The following NRAS variants were observed in gnomAD, a reference collection of about 807,000 sequenced individuals.
NRAS encodes NRAS proto-oncogene, GTPase.
In NRAS, 6 loss-of-function variants were observed where a neutral mutation model predicts 21.3. That is an observed-to-expected ratio of 0.28 (90% CI 0.15 to 0.56). The LOEUF is 0.56. Ranked by LOEUF, NRAS falls within the 20% of genes least tolerant of loss-of-function variation. The pLI, the probability that NRAS is intolerant of heterozygous loss-of-function variation, is 0.93. For synonymous variants in NRAS, 84 were observed against 82.0 expected (o/e 1.02, Z -0.13); for missense variants, 143 against 231.3 (o/e 0.62, Z 2.48).
At chr1:114,715,320 C>T (rs968510131) in intron 2 of NRAS, among the ~76,000 whole-genome samples, 3 of 152,090 alleles carry the variant, frequency 2.0e-5, no homozygotes, top group Non-Finnish European at 4.4e-5. Context: ...CCACCGTGTC[C>T]GGCAAAACCC....
At chr1:114,714,926 A>T (rs532892454) in intron 2 of NRAS, among the ~76,000 whole-genome samples, 3 of 152,382 alleles carry the variant, frequency 2.0e-5, no homozygotes, top group Admixed American at 6.5e-5. Context: ...CATCAATTAA[A>T]CACGAGTAGC....
chr1:114,709,003 T>C (rs61758220), intron 4 of NRAS, among the ~76,000 whole-genome samples: 2,197 of 152,366 alleles, frequency 0.014, 40 homozygotes, highest in African/African-American at 0.05. Context: ...AAATAACTAA[T>C]GTTTATAAAT....
rs1180282601 is a variant in NRAS, at chr1:114,705,406, T to A, written c.*2688A>T. The A allele has an allele frequency of 3.3e-5, 5 of 152,196 alleles. No homozygotes were observed. Among genetic ancestry groups the A allele is most frequent in the Non-Finnish European group, 7.3e-5 (5 of 68,034 alleles). The allele number at this position is 152,196 out of a possible 1,614,324, so 9.4% of individuals were successfully genotyped here. On this transcript the variant is annotated 3_prime_UTR_variant, in exon 7 of 7. Transcript: ENST00000369535. The stretch of plus-strand genomic sequence containing the variant: ...TTCAGACAGAACATCTTATTTTCAC[T>A]CTTGAACATGTAACCTTTAAAAAAA...
In NRAS at chr1:114,713,997, AG is replaced by A; in HGVS notation, c.112-20del. ...AAGAATCCTGGGGGTGTGGAGGGTA[AG>A]GGGGCAGGGAGGGAGGGAAGTTCAA... On this transcript the variant is annotated intron_variant, in intron 2 of 6. Coordinates refer to ENST00000369535, the MANE Select transcript of NRAS (RefSeq NM_002524.5). The A allele has an allele frequency of 3.8e-6, 3 of 796,780 alleles. No homozygotes were observed. The highest frequency in any genetic ancestry group is 6.1e-6 in the Non-Finnish European group (3 of 489,090). The allele number at this position is 796,780 out of a possible 1,614,324, so 49.4% of individuals were successfully genotyped here.
At position 114,706,880 on chromosome 1, in the gene NRAS, G is replaced by A. The variant is rs2101736822; in HGVS notation, c.*1214C>T. On this transcript the variant is annotated 3_prime_UTR_variant, in exon 7 of 7. Transcript: ENST00000369535. Reference sequence around the variant, plus strand: ...AATAATCAAGCCCCTATTGCTGTGGGGGAAGCTGTAGAGGGTGGGGTGAGA... The same window carrying A: ...AATAATCAAGCCCCTATTGCTGTGGAGGAAGCTGTAGAGGGTGGGGTGAGA... 1 of 152,452 alleles carries A rather than the reference G, an allele frequency of 6.6e-6. No homozygotes were observed. The highest frequency in any genetic ancestry group is 2.4e-5 in the African/African-American group (1 of 41,556). The allele number at this position is 152,452 out of a possible 1,614,324, so 9.4% of individuals were successfully genotyped here.
In NRAS at chr1:114,706,763, CAGA is replaced by C. The variant is rs1329111895; in HGVS notation, c.*1328_*1330del. 1.3e-5 allele frequency: 2 copies of C among 152,174 alleles called. No individual in the cohort carries two copies. Among genetic ancestry groups the C allele is most frequent in the East Asian group, 1.9e-4 (1 of 5,190 alleles). The allele number at this position is 152,174 out of a possible 1,614,324, so 9.4% of individuals were successfully genotyped here. A position where few individuals can be genotyped will look rare whatever the true frequency, so the allele number is the denominator to read the frequency against. ...GAGTTACTGGTGCAATGAGCAAATG[CAGA>C]AGAATTTCTTTCTCTGTGATGCTAA... On this transcript the variant is annotated 3_prime_UTR_variant, in exon 7 of 7. Transcript: ENST00000369535.
In NRAS at chr1:114,709,720, A is replaced by G. The variant is rs1428145562; in HGVS notation, c.299T>C (p.Ile100Thr). 5.0e-6 allele frequency: 8 copies of G among 1,612,814 alleles called. No homozygotes were observed. Among genetic ancestry groups the G allele is most frequent in the Non-Finnish European group, 5.1e-6 (6 of 1,178,950 alleles). ...ATCATCCGAGTCTTTTACTCGCTTAATCTGCTCCCTAAAAACGGGAATATA... is the reference window on the plus strand; with the variant it reads ...ATCATCCGAGTCTTTTACTCGCTTAGTCTGCTCCCTAAAAACGGGAATATA... ...FADINLYREQ[I>T]KRVKDSDDVP... Residue 100 changes from isoleucine (I) to threonine (T), a missense_variant, in exon 4 of 7, where the codon ATT becomes ACT. Ile to Thr is a moderately conservative substitution (Grantham distance 89). Transcript: ENST00000369535.
intron 3 of NRAS, among the ~76,000 whole-genome samples, chr1:114,713,171 T>A (rs569058065): frequency 1.3e-5 from 2 of 152,280 alleles, no homozygotes; most frequent in East Asian, 3.9e-4. Flanking sequence ...CTTACTCCTA[T>A]CATTTTATTT....
chr1:114,709,112 C>T (rs1557981007), intron 4 of NRAS, among the ~76,000 whole-genome samples: 1 of 152,272 alleles, frequency 6.6e-6, no homozygotes, highest in South Asian at 2.1e-4. Flanking sequence ...TGGGTTTAAA[C>T]AAGCGTTAAG....
chr1:114,712,393 T>C (rs969990405), intron 3 of NRAS, among the ~76,000 whole-genome samples: 3 of 152,236 alleles, frequency 2.0e-5, no homozygotes, highest in Non-Finnish European at 2.9e-5. Flanking sequence ...AATCTTATCT[T>C]GCTCTACTAT....
chr1:114,709,593 A>G lies in NRAS; in HGVS notation c.426T>C (p.Ile142=), dbSNP rs2101738668. 6.2e-7 allele frequency: 1 copy of G among 1,614,194 alleles called. No individual in the cohort carries two copies. The highest frequency in any genetic ancestry group is 8.5e-7 in the Non-Finnish European group (1 of 1,179,992). The change falls in exon 4 of 7, where the codon ATT becomes ATC. Residue 142 remains isoleucine, a synonymous_variant. Coordinates refer to ENST00000369535, the MANE Select transcript of NRAS (RefSeq NM_002524.5). ...ELAKSYGIPF[I]ETSAKTRQGV... is the part of the protein sequence containing the mutation. The stretch of plus-strand genomic sequence containing the variant: ...CCTGTCTGGTCTTGGCTGAGGTTTC[A>G]ATGAATGGAATCCCGTAACTCTTGG...
At chr1:114,708,727 G>C in intron 4 of NRAS, 73 bp from the exon 5 acceptor site, 1 of 1,384,294 alleles carries the variant, frequency 7.2e-7, no homozygotes. Flanking sequence ...AAGCTCTCTT[G>C]CATTTGTATC....
At chr1:114,714,570 T>C (rs1042932892) in intron 2 of NRAS, among the ~76,000 whole-genome samples, 2 of 152,214 alleles carry the variant, frequency 1.3e-5, no homozygotes, top group African/African-American at 2.4e-5. Context: ...CAAACATGCA[T>C]AGATCATATA....
rs1187874933 is a variant in NRAS at position 114,716,761 on chromosome 1, C to A, written c.-121G>T. On this transcript the variant is annotated 5_prime_UTR_variant, in exon 1 of 7. Coordinates refer to ENST00000369535, the MANE Select transcript of NRAS (RefSeq NM_002524.5). ...GAACAGCCCCCACCAAGGAGCGGCA[C>A]TTCCGGCCCCGCCCGCTACGTAATC... 2 of 155,092 alleles carry A rather than the reference C, an allele frequency of 1.3e-5. No individual in the cohort carries two copies. Among genetic ancestry groups the A allele is most frequent in the Non-Finnish European group, 2.9e-5 (2 of 69,394 alleles). The allele number at this position is 155,092 out of a possible 1,614,324, so 9.6% of individuals were successfully genotyped here.
chr1:114,710,419 G>A (rs1241677431), intron 3 of NRAS, among the ~76,000 whole-genome samples: 1 of 148,722 alleles, frequency 6.7e-6, no homozygotes, highest in Non-Finnish European at 1.5e-5. Context: ...GGGAGACTGA[G>A]GTGGGAGGAT....
At chr1:114,714,018 G>C (rs753896542) in intron 2 of NRAS, 40 bp from the exon 3 acceptor site, 6 of 993,164 alleles carry the variant, frequency 6.0e-6, no homozygotes, top group Non-Finnish European at 7.7e-6. Context: ...AGGGAGGGAA[G>C]TTCAATTTTT....
At chr1:114,713,726 G>A (rs2101741573) in intron 3 of NRAS, 74 bp downstream of exon 3, 1 of 1,270,346 alleles carries the variant, frequency 7.9e-7, no homozygotes, top group Non-Finnish European at 1.2e-6. Flanking sequence ...CTTCCCTAGT[G>A]TGGTAACCTC....
intron 3 of NRAS, among the ~76,000 whole-genome samples, chr1:114,710,187 TC>T (rs1232579295): frequency 2.2e-5 from 2 of 92,344 alleles, no homozygotes; most frequent in Admixed American, 1.4e-4. Context: ...TGAGACTCCA[TC>T]CCCCCCAACC....
Position 114,706,290 on chromosome 1 carries a change from A to G in NRAS, c.*1804T>C, listed in dbSNP as rs2101736524. 6.6e-6 allele frequency: 1 copy of G among 152,380 alleles called. No homozygotes were observed. Among genetic ancestry groups the G allele is most frequent in the African/African-American group, 2.4e-5 (1 of 41,596 alleles). The allele number at this position is 152,380 out of a possible 1,614,324, so 9.4% of individuals were successfully genotyped here. On this transcript the variant is annotated 3_prime_UTR_variant, in exon 7 of 7. Coordinates refer to ENST00000369535, the MANE Select transcript of NRAS (RefSeq NM_002524.5). ...CAGTAAGTATTTAGATATTAAAGAC[A>G]GGAACAAAGTGGCCATTTTGGAATT...
Sources: allele counts gnomAD v4.1 joint callset (sites outside exome capture counted in the v4.1 genomes callset), GRCh38; gene constraint gnomAD v4.1.1; transcripts MANE v1.5; gene names NCBI Gene and HGNC (gene_info 2026-07-23, HGNC 2026-07-21).